Variants in PRH1 observed in about 807,000 individuals in gnomAD.
The protein encoded by PRH1 is salivary acidic proline-rich phosphoprotein 1/2.
PRH1 carries 7 observed loss-of-function variants against 7.9 expected under a neutral mutation model. The ratio of observed to expected loss-of-function variants is 0.89; its 90% CI spans 0.50 to 1.67. The LOEUF is 1.67. Among genes scored for constraint, PRH1 ranks in the 40% most tolerant of loss-of-function variants. The pLI, the probability that PRH1 is intolerant of heterozygous loss-of-function variation, is 0.00. For synonymous variants in PRH1, 45 were observed against 80.8 expected, an observed-to-expected ratio of 0.56 and a Z score of 2.38; for missense variants, 109 against 223.6, an observed-to-expected ratio of 0.49 and a Z score of 3.27.
chr12:11,119,701 G>A (rs746705608), downstream of PRH1, among the ~76,000 whole-genome samples: 46 of 152,090 alleles, frequency 3.0e-4, no homozygotes, highest in Non-Finnish European at 6.3e-4. Context: ...TACAAATTAT[G>A]AAAAATTCCA....
chr12:11,053,549 C>A (rs1055361961), intron 1 of PRH1, among the ~76,000 whole-genome samples: 2 of 24,294 alleles, frequency 8.2e-5, no homozygotes, highest in Non-Finnish European at 1.9e-4. Context: ...ATGTATTCAG[C>A]CTGACATGAA....
intron 1 of PRH1, among the ~76,000 whole-genome samples, chr12:11,127,963 AGCCGG>A (rs1396186024): frequency 5.9e-5 from 9 of 152,066 alleles, no homozygotes; most frequent in African/African-American, 1.9e-4. Flanking sequence ...AACCAAAGTT[AGCCGG>A]GCATGGTGGC....
At chr12:11,106,634 A>T (rs571384289) in intron 1 of PRH1, among the ~76,000 whole-genome samples, 1 of 152,330 alleles carries the variant, frequency 6.6e-6, no homozygotes, top group African/African-American at 2.4e-5. Context: ...ATTTTTGATT[A>T]CTTAATGGTT....
upstream of PRH1, among the ~76,000 whole-genome samples, chr12:10,888,750 A>T (rs78310555): frequency 0.019 from 2,836 of 152,144 alleles, 96 homozygotes; most frequent in African/African-American, 0.065. Flanking sequence ...GTTTTTAGTG[A>T]TTCTTCTATG....
At chr12:11,081,848 T>C (rs1944509976) in intron 1 of PRH1, among the ~76,000 whole-genome samples, 1 of 117,998 alleles carries the variant, frequency 8.5e-6, no homozygotes, top group Non-Finnish European at 2.0e-5. Context: ...TATTTAGCCC[T>C]AACATCCTTA....
intron 2 of PRH1, among the ~76,000 whole-genome samples, chr12:10,899,249 T>TG (rs1293124813): frequency 1.3e-5 from 2 of 151,122 alleles, no homozygotes; most frequent in African/African-American, 4.8e-5. Context: ...TGTTAAGAAT[T>TG]GGGGGACTAT....
At chr12:10,910,810 C>T (rs1949888204) in intron 2 of PRH1, among the ~76,000 whole-genome samples, 1 of 152,016 alleles carries the variant, frequency 6.6e-6, no homozygotes, top group Admixed American at 6.6e-5. Flanking sequence ...GAATACAAAG[C>T]TATTTTTATT....
chr12:10,914,842 GCCAT>G (rs1949950800), intron 2 of PRH1, among the ~76,000 whole-genome samples: 3 of 152,158 alleles, frequency 2.0e-5, no homozygotes, highest in Non-Finnish European at 4.4e-5. Context: ...TTAAAACTCA[GCCAT>G]GGCTGGGCAC....
intron 1 of PRH1, among the ~76,000 whole-genome samples, chr12:11,067,909 C>G (rs1943896072): frequency 6.6e-6 from 1 of 152,098 alleles, no homozygotes; most frequent in South Asian, 2.1e-4. Context: ...TTCTTAGTAC[C>G]ATAATGCTCT....
chr12:11,108,574 C>T (rs1412709656), intron 1 of PRH1, among the ~76,000 whole-genome samples: 1 of 152,170 alleles, frequency 6.6e-6, no homozygotes, highest in East Asian at 1.9e-4. Flanking sequence ...GGTCGGGGAA[C>T]TCCCTCTCCT....
chr12:11,071,115 AT>A (rs1944047125), intron 1 of PRH1, among the ~76,000 whole-genome samples: 1 of 148,420 alleles, frequency 6.7e-6, no homozygotes, highest in Non-Finnish European at 1.5e-5. Context: ...TTTTCTAACT[AT>A]GTGCTCCGAG....
intron 1 of PRH1, among the ~76,000 whole-genome samples, chr12:11,057,474 A>T (rs1301802803): frequency 6.6e-6 from 1 of 152,230 alleles, no homozygotes; most frequent in East Asian, 1.9e-4. Flanking sequence ...AAGGGACATT[A>T]TTATAGCAGG....
rs1313660330 is a variant in PRH1 at position 10,932,116 on chromosome 12, T to C, written c.-59+41539A>G. ...TTAAGGAGGGGGGCTGTAGAAGGGA[T>C]AGAGGGCAAAAGGATGGTTTTGCAT... is the stretch of plus-strand genomic sequence containing the variant. On this transcript the variant is annotated intron_variant, in intron 2 of 3. Transcript: ENST00000539853. 1.9e-5 allele frequency: 6 copies of C among 317,616 alleles called. No individual in the cohort carries two copies. In the East Asian group the frequency reaches 4.6e-4, roughly 24 times the overall value. 19.7% of individuals were successfully genotyped at this position (317,616 alleles called of 1,614,324 possible).
chr12:10,887,734 A>G (rs1424730180), upstream of PRH1, among the ~76,000 whole-genome samples: 6 of 152,096 alleles, frequency 3.9e-5, no homozygotes, highest in Non-Finnish European at 5.9e-5. Flanking sequence ...AATTATATCT[A>G]AAGAAATTAA....
chr12:11,041,131 C>T (rs1019673275), intron 1 of PRH1, among the ~76,000 whole-genome samples: 4 of 149,292 alleles, frequency 2.7e-5, no homozygotes, highest in Non-Finnish European at 4.5e-5. Flanking sequence ...TGAAAATGGA[C>T]TAAACTCTCC....
rs561052723 is a variant in PRH1, at chr12:11,156,939, G to A, written n.39+14483C>T. Among the ~76,000 whole-genome samples the A allele has an allele frequency of 1.7e-4, 26 of 150,690 alleles. No homozygotes were observed. In the East Asian group the frequency reaches 4.3e-3, roughly 25 times the overall value. On this transcript the variant is annotated intron_variant and non_coding_transcript_variant, in intron 1 of 1. Coordinates refer to the PRH1 transcript ENST00000541175. ...TGGCTCACTGCAAGCTCTGCCTCCT[G>A]GGTTCACACCAGTCTCCTGCCTCAG...
intron 1 of PRH1, among the ~76,000 whole-genome samples, chr12:11,148,325 T>C (rs1368349152): frequency 2.0e-5 from 3 of 152,030 alleles, no homozygotes; most frequent in Non-Finnish European, 2.9e-5. Flanking sequence ...CAACACTATG[T>C]TGAATAGGAG....
At chr12:11,025,021 A>ATTTT (rs34435271) in intron 1 of PRH1, among the ~76,000 whole-genome samples, 5 of 139,372 alleles carry the variant, frequency 3.6e-5, no homozygotes, top group Admixed American at 7.2e-5. Flanking sequence ...ATTGTCATTA[A>ATTTT]TTTTTTTTTT....
chr12:10,924,063 C>T (rs1043377320), intron 2 of PRH1, among the ~76,000 whole-genome samples: 3 of 133,782 alleles, frequency 2.2e-5, no homozygotes, highest in African/African-American at 5.3e-5. Context: ...TCTCAGCTCA[C>T]GGCAAGCTCC....
Sources: allele counts gnomAD v4.1 joint callset (sites outside exome capture counted in the v4.1 genomes callset), GRCh38; gene constraint gnomAD v4.1.1; transcripts MANE v1.5; gene names NCBI Gene and HGNC (gene_info 2026-07-23, HGNC 2026-07-21).